The following TP53I3 variants were observed in gnomAD, a reference collection of about 807,000 sequenced individuals.
TP53I3 encodes the protein tumor protein p53 inducible protein 3.
In TP53I3, 32 loss-of-function variants were observed where a neutral mutation model predicts 27.7. The observed-to-expected ratio is 1.16, with a 90% CI of 0.87 to 1.55. The LOEUF is 1.55. TP53I3 is among the 40% of genes most tolerant of loss of function. The pLI is 0.00. For synonymous variants in TP53I3, 138 were observed against 167.8 expected (o/e 0.82, Z 1.37); for missense variants, 372 against 412.3 (o/e 0.90, Z 0.85).
chr2:24,079,573 C>T lies in TP53I3; in HGVS notation c.687G>A (p.Leu229=). The change falls in exon 4 of 5, where the codon CTG becomes CTA. Residue 229 remains leucine (L), a synonymous_variant. Transcript: ENST00000238721. ...AGAGAACCCATCGACCATCAAGAGCCAGGCAGTTGACGTTCTTCTCCCAGT... is the reference window on the plus strand; with the variant it reads ...AGAGAACCCATCGACCATCAAGAGCTAGGCAGTTGACGTTCTTCTCCCAGT... The part of the protein sequence containing the change: ...GSYWEKNVNC[L]ALDGRWVLYG... 6.2e-7 allele frequency: 1 copy of T among 1,614,154 alleles called. No homozygotes were observed. Among genetic ancestry groups the T allele is most frequent in the Non-Finnish European group, 8.5e-7 (1 of 1,180,040 alleles).
rs761642116 is a variant in TP53I3 at position 24,080,792 on chromosome 2, T to C, written c.619+27A>G. The C allele has an allele frequency of 1.9e-5, 31 of 1,613,508 alleles. No homozygotes were observed. The highest frequency in any genetic ancestry group is 2.5e-5 in the Non-Finnish European group (30 of 1,179,676). On this transcript the variant is annotated intron_variant, in intron 3 of 4. Coordinates refer to ENST00000238721, the MANE Select transcript of TP53I3 (RefSeq NM_004881.5). The surrounding 1 kb of genome is among the most constrained non-coding windows in gnomAD (Gnocchi z 4.7). ...TTTATTTAATCATCTCTTAAATTCC[T>C]GCTGAACTGTAGAAGCAGTTGTTTA... is the stretch of plus-strand genomic sequence containing the variant.
chr2:24,083,660 A>G (rs1665116285), intron 1 of TP53I3, among the ~76,000 whole-genome samples: 1 of 152,156 alleles, frequency 6.6e-6, no homozygotes, highest in South Asian at 2.1e-4. Context: ...AATGACCCCA[A>G]CCAATGCAGC....
rs1484612969 is a variant in TP53I3 at position 24,080,473 on chromosome 2, C to T, written c.619+346G>A. 6.6e-6 allele frequency among the ~76,000 whole-genome samples: 1 copy of T among 152,238 alleles called. No individual in the cohort carries two copies. The highest frequency in any genetic ancestry group is 1.5e-5 in the Non-Finnish European group (1 of 68,044). On this transcript the variant is annotated intron_variant, in intron 3 of 4. Coordinates refer to ENST00000238721, the MANE Select transcript of TP53I3 (RefSeq NM_004881.5). The surrounding 1 kb of genome is among the most constrained non-coding windows in gnomAD (Gnocchi z 4.7). The stretch of plus-strand genomic sequence containing the variant: ...TTAGGGTGCTACCACCCAACCCTAC[C>T]ATGGCTGGCTCCAAACTGGTCTCTG...
Position 24,077,458 on chromosome 2 carries a change from T to G in TP53I3, c.*121A>C. On this transcript the variant is annotated 3_prime_UTR_variant, in exon 5 of 5. Coordinates refer to ENST00000238721, the MANE Select transcript of TP53I3 (RefSeq NM_004881.5). The surrounding 1 kb of genome is among the most constrained non-coding windows in gnomAD (Gnocchi z 5.5). ...TTCCAGTTCACTCTTTATTTCCTCA[T>G]ATCAGCTTTAAACGGCTCTGGAGGA... The G allele has an allele frequency of 3.4e-6, 4 of 1,178,568 alleles. No individual in the cohort carries two copies. The highest frequency in any genetic ancestry group is 1.5e-5 in the African/African-American group (1 of 64,968). The allele number at this position is 1,178,568 out of a possible 1,614,324, so 73.0% of individuals were successfully genotyped here.
intron 1 of TP53I3, among the ~76,000 whole-genome samples, chr2:24,083,477 T>C (rs1158177872): frequency 1.3e-5 from 2 of 152,256 alleles, no homozygotes; most frequent in African/African-American, 2.4e-5. Flanking sequence ...ATGGTTCCCA[T>C]GCATCAAGCG....
chr2:24,084,384 G>A lies in TP53I3; in HGVS notation c.-58C>T. On this transcript the variant is annotated 5_prime_UTR_variant, in exon 1 of 5. Coordinates refer to ENST00000238721, the MANE Select transcript of TP53I3 (RefSeq NM_004881.5). The surrounding 1 kb of genome is among the most constrained non-coding windows in gnomAD (Gnocchi z 8.4). ...GACAGGACAGGGCAGGGCAGGGCAG[G>A]ACAGGACAGGGCAGGGCAGGACAGG... The A allele has an allele frequency of 7.4e-7, 1 of 1,343,884 alleles. No individual in the cohort carries two copies. The highest frequency in any genetic ancestry group is 1.3e-5 in the South Asian group (1 of 78,074). The allele number at this position is 1,343,884 out of a possible 1,614,324, so 83.2% of individuals were successfully genotyped here.
chr2:24,080,800 T>C lies in TP53I3; in HGVS notation c.619+19A>G. The C allele has an allele frequency of 1.2e-6, 2 of 1,613,916 alleles. No homozygotes were observed. Among genetic ancestry groups the C allele is most frequent in the Non-Finnish European group, 1.7e-6 (2 of 1,179,826 alleles). On this transcript the variant is annotated intron_variant, in intron 3 of 4. Transcript: ENST00000238721. The surrounding 1 kb of genome is among the most constrained non-coding windows in gnomAD (Gnocchi z 4.7). ...ATCATCTCTTAAATTCCTGCTGAAC[T>C]GTAGAAGCAGTTGTTTACCTTTGGT...
chr2:24,077,872 C>T lies in TP53I3; in HGVS notation c.817-111G>A, dbSNP rs912097707. ...GAAGCCACGTATCTGAAAAAGCACA[C>T]AGGGACACTTAACCCCTCACTTCCT... On this transcript the variant is annotated intron_variant, in intron 4 of 4. Coordinates refer to ENST00000238721, the MANE Select transcript of TP53I3 (RefSeq NM_004881.5). This position sits in a 1 kb window ranked among gnomAD's most constrained non-coding sequence, Gnocchi z 5.5. The T allele has an allele frequency of 8.4e-7, 1 of 1,192,566 alleles. No homozygotes were observed. Among genetic ancestry groups the T allele is most frequent in the South Asian group, 1.5e-5 (1 of 68,030 alleles). 73.9% of individuals were successfully genotyped at this position (1,192,566 alleles called of 1,614,324 possible).
chr2:24,083,775 G>A (rs1458642456), intron 1 of TP53I3, among the ~76,000 whole-genome samples: 3 of 152,114 alleles, frequency 2.0e-5, no homozygotes, highest in African/African-American at 7.2e-5. Context: ...GAGGTCTTTG[G>A]AGCCACAAAG....
rs889455413 is a variant in TP53I3 at position 24,080,154 on chromosome 2, C to T, written c.620-514G>A. Among the ~76,000 whole-genome samples, 3 of 151,990 alleles carry T rather than the reference C, an allele frequency of 2.0e-5. No individual in the cohort carries two copies. Among genetic ancestry groups the T allele is most frequent in the African/African-American group, 7.2e-5 (3 of 41,386 alleles). ...GGTGGATCACCTGAGGTCAGGAGTT[C>T]GAGACCAGCCTGGCCAACATAGTGA... is the stretch of plus-strand genomic sequence containing the variant. On this transcript the variant is annotated intron_variant, in intron 3 of 4. Transcript: ENST00000238721. The surrounding 1 kb of genome is among the most constrained non-coding windows in gnomAD (Gnocchi z 4.7).
chr2:24,084,628 G>A lies in TP53I3; in HGVS notation c.-302C>T, dbSNP rs895842049. On this transcript the variant is annotated 5_prime_UTR_variant, in exon 1 of 5. Transcript: ENST00000238721. This position sits in a 1 kb window ranked among gnomAD's most constrained non-coding sequence, Gnocchi z 8.4. ...GGATGGCGGTACAGGGCTGGATGCG[G>A]CAGAGCAGGACAACGCCGAAGAGGA... is the stretch of plus-strand genomic sequence containing the variant. 1.8e-5 allele frequency: 6 copies of A among 335,052 alleles called. No individual in the cohort carries two copies. Among genetic ancestry groups the A allele is most frequent in the African/African-American group, 1.3e-4 (6 of 46,190 alleles). The allele number at this position is 335,052 out of a possible 1,614,324, so 20.8% of individuals were successfully genotyped here.
At position 24,080,506 on chromosome 2, in the gene TP53I3, G is replaced by A. The variant is rs1292960438; in HGVS notation, c.619+313C>T. ...GCTCCAAACTGGTCTCTGCCTCCAA[G>A]CCTCCTGTTAACTAAGTGTGGAATG... On this transcript the variant is annotated intron_variant, in intron 3 of 4. Coordinates refer to ENST00000238721, the MANE Select transcript of TP53I3 (RefSeq NM_004881.5). The surrounding 1 kb of genome is among the most constrained non-coding windows in gnomAD (Gnocchi z 4.7). 1.3e-5 allele frequency among the ~76,000 whole-genome samples: 2 copies of A among 152,196 alleles called. No homozygotes were observed. Among genetic ancestry groups the A allele is most frequent in the African/African-American group, 2.4e-5 (1 of 41,446 alleles).
At position 24,082,958 on chromosome 2, in the gene TP53I3, C is replaced by G. The variant is rs777640962; in HGVS notation, c.333G>C (p.Glu111Asp). The change falls in exon 2 of 5, where the codon GAG becomes GAC. Residue 111 changes from glutamate to aspartate, a missense_variant. Glu to Asp is a conservative substitution (Grantham distance 45). Transcript: ENST00000238721. ...VPEGLLMPIP[E>D]GLTLTQAAAI... ...CTGCAGCCTGGGTCAGGGTCAATCC[C>G]TCTGGGATAGGCATGAGGAGCCCTT... The G allele has an allele frequency of 2.5e-6, 4 of 1,614,116 alleles. No individual in the cohort carries two copies. Among genetic ancestry groups the G allele is most frequent in the Middle Eastern group, 3.3e-4 (2 of 5,998 alleles).
At position 24,084,522 on chromosome 2, in the gene TP53I3, G is replaced by A. The variant is rs1304954423; in HGVS notation, c.-196C>T. ...CTGGTCTGCCGCGGACCCGGCCTCC[G>A]CCCCGAGCTCCTGCCTGGGAAGTCC... is the stretch of plus-strand genomic sequence containing the variant. On this transcript the variant is annotated 5_prime_UTR_variant, in exon 1 of 5. Transcript: ENST00000238721. This position sits in a 1 kb window ranked among gnomAD's most constrained non-coding sequence, Gnocchi z 8.4. 3 of 701,732 alleles carry A rather than the reference G, an allele frequency of 4.3e-6. No homozygotes were observed. In the African/African-American group the frequency reaches 5.7e-5, roughly 13 times the overall value. 43.5% of individuals were successfully genotyped at this position (701,732 alleles called of 1,614,324 possible).
chr2:24,082,789 C>G, intron 2 of TP53I3, 96 bp downstream of exon 2: 1 of 1,446,054 alleles, frequency 6.9e-7, no homozygotes. Flanking sequence ...TACAGGAAGG[C>G]CTGGGAGTGC....
intron 2 of TP53I3, among the ~76,000 whole-genome samples, chr2:24,082,613 G>A (rs1377603416): frequency 1.3e-5 from 2 of 152,196 alleles, no homozygotes; most frequent in Non-Finnish European, 2.9e-5. Context: ...CCAGAGAGAA[G>A]CTCAGTATGA....
Position 24,084,291 on chromosome 2 carries a change from C to A in TP53I3, c.36G>T (p.Pro12=). The A allele has an allele frequency of 1.2e-6, 2 of 1,614,042 alleles. No individual in the cohort carries two copies. Among genetic ancestry groups the A allele is most frequent in the Non-Finnish European group, 1.7e-6 (2 of 1,179,988 alleles). ...CCACCTCCTTCACGTAGAGGTTTTC[C>A]GGTCCTCCCGGCTTGTCAAAGTGCA... ...LAVHFDKPGG[P]ENLYVKEVAK... is the part of the protein sequence containing the mutation. The change falls in exon 1 of 5, where the codon CCG becomes CCT. Residue 12 remains proline (P), a synonymous_variant. Coordinates refer to ENST00000238721, the MANE Select transcript of TP53I3 (RefSeq NM_004881.5). This position sits in a 1 kb window ranked among gnomAD's most constrained non-coding sequence, Gnocchi z 8.4.
chr2:24,079,596 A>T lies in TP53I3; in HGVS notation c.664T>A (p.Trp222Arg), dbSNP rs1043776561. ...LILDCIGGSY[W>R]EKNVNCLALD... Reference sequence around the variant, plus strand: ...GCCAGGCAGTTGACGTTCTTCTCCCAGTAGGATCCGCCTATGCAGTCTAGA... The same window carrying T: ...GCCAGGCAGTTGACGTTCTTCTCCCTGTAGGATCCGCCTATGCAGTCTAGA... Residue 222 changes from tryptophan (W) to arginine (R), a missense_variant, in exon 4 of 5, where the codon TGG becomes AGG. By Grantham distance (101) the Trp-to-Arg change is moderately radical. Transcript: ENST00000238721. 21 of 1,614,058 alleles carry T rather than the reference A, an allele frequency of 1.3e-5. No individual in the cohort carries two copies. Among genetic ancestry groups the T allele is most frequent in the Non-Finnish European group, 1.8e-5 (21 of 1,180,042 alleles).
intron 2 of TP53I3, among the ~76,000 whole-genome samples, chr2:24,082,375 T>G (rs1665043777): frequency 6.6e-6 from 1 of 152,188 alleles, no homozygotes; most frequent in Admixed American, 6.5e-5. Flanking sequence ...CTGACTACCC[T>G]TGTCCACACC....
Sources: allele counts gnomAD v4.1 joint callset (sites outside exome capture counted in the v4.1 genomes callset), GRCh38; gene constraint gnomAD v4.1.1; non-coding constraint Gnocchi (gnomAD v3.1); transcripts MANE v1.5; gene names NCBI Gene and HGNC (gene_info 2026-07-23, HGNC 2026-07-21).